NAPEPLD: variants seen among roughly 807,000 people sequenced by gnomAD.
NAPEPLD encodes N-acyl phosphatidylethanolamine phospholipase D.
NAPEPLD carries 23 observed loss-of-function variants against 38.1 expected under a neutral mutation model. The observed-to-expected ratio is 0.60, with a 90% CI of 0.43 to 0.86. The LOEUF is 0.86. Ranked by LOEUF, NAPEPLD falls within the 40% of genes least tolerant of loss-of-function variation. NAPEPLD has a pLI of 0.00. For missense variants in NAPEPLD, 411 were observed against 476.8 expected, an observed-to-expected ratio of 0.86 and a Z score of 1.28; for synonymous variants, 147 against 162.0, an observed-to-expected ratio of 0.91 and a Z score of 0.71.
chr7:103,103,264 G>T lies in NAPEPLD; in HGVS notation c.*165C>A. 1.3e-6 allele frequency: 1 copy of T among 759,948 alleles called. No homozygotes were observed. Among genetic ancestry groups the T allele is most frequent in the Non-Finnish European group, 2.0e-6 (1 of 492,034 alleles). 47.1% of individuals were successfully genotyped at this position (759,948 alleles called of 1,614,324 possible). On this transcript the variant is annotated 3_prime_UTR_variant, in exon 5 of 5. Coordinates refer to ENST00000465647, the MANE Select transcript of NAPEPLD (RefSeq NM_001122838.3). The stretch of plus-strand genomic sequence containing the variant: ...AACCCTCTCATAGTGTACATGAGCT[G>T]ATCATACTAGGAAGCAAGTTATTAC...
At chr7:103,127,791 T>G (rs1349481352) in intron 2 of NAPEPLD, 1 of 152,214 alleles carries the variant, frequency 6.6e-6, no homozygotes, top group African/African-American at 2.4e-5. Context: ...GTCATAGTAC[T>G]TACTTCATTC....
intron 1 of NAPEPLD, chr7:103,141,786 G>A (rs1467426090): frequency 2.0e-5 from 17 of 870,142 alleles, no homozygotes; most frequent in Admixed American, 8.5e-5. Context: ...ACAGGCTTGC[G>A]GATGATCAGC....
intron 2 of NAPEPLD, 74 bp downstream of exon 2, chr7:103,128,409 A>ATT (rs773406366): frequency 6.5e-7 from 1 of 1,529,940 alleles, no homozygotes; most frequent in Non-Finnish European, 9.0e-7. Flanking sequence ...GCCTTATGAT[A>ATT]TACAAGGGCT....
chr7:103,144,691 T>C (rs1198733246), intron 1 of NAPEPLD, among the ~76,000 whole-genome samples: 2 of 151,510 alleles, frequency 1.3e-5, no homozygotes, highest in African/African-American at 4.9e-5. Flanking sequence ...TGCCTGAGGA[T>C]TTCCCAGTGT....
rs1323929967 is a variant in NAPEPLD, at chr7:103,128,555, G to A, written c.222C>T (p.Asn74=). The A allele has an allele frequency of 6.2e-7, 1 of 1,614,198 alleles. No homozygotes were observed. ...ATCTGAGAACATTTGGAATAGAGGG[G>A]TTTTTCCATGTTGGCCACGGATTCA... The part of the protein sequence containing the change: ...RFVNPWPTWK[N]PSIPNVLRWL... Residue 74 remains asparagine, a synonymous_variant, in exon 2 of 5, where the codon AAC becomes AAT. Coordinates refer to ENST00000465647, the MANE Select transcript of NAPEPLD (RefSeq NM_001122838.3).
chr7:103,138,401 A>G (rs963743980), intron 1 of NAPEPLD, among the ~76,000 whole-genome samples: 1 of 152,186 alleles, frequency 6.6e-6, no homozygotes, highest in Non-Finnish European at 1.5e-5. Flanking sequence ...AGAAAGAGGG[A>G]AAAAAGCACA....
At chr7:103,121,660 G>T (rs1806721852) in intron 2 of NAPEPLD, among the ~76,000 whole-genome samples, 1 of 152,136 alleles carries the variant, frequency 6.6e-6, no homozygotes, top group South Asian at 2.1e-4. Flanking sequence ...TTTATTCTTG[G>T]CTTTATTTTA....
At chr7:103,116,870 T>C (rs190740427) in intron 3 of NAPEPLD, among the ~76,000 whole-genome samples, 2 of 152,352 alleles carry the variant, frequency 1.3e-5, no homozygotes, top group African/African-American at 4.8e-5. Flanking sequence ...TACCCCATTA[T>C]GTGAGGGTAT....
intron 1 of NAPEPLD, chr7:103,141,749 C>T (rs535163423): frequency 5.4e-5 from 46 of 852,648 alleles, no homozygotes; most frequent in African/African-American, 4.0e-4. Flanking sequence ...GGTGTTTTTC[C>T]GGCATCAAGC....
intron 4 of NAPEPLD, among the ~76,000 whole-genome samples, chr7:103,108,892 G>T (rs972683708): frequency 2.0e-5 from 3 of 152,100 alleles, no homozygotes; most frequent in Admixed American, 1.3e-4. Flanking sequence ...AGGGATGGAG[G>T]AATACTTACC....
At chr7:103,122,092 G>A (rs1398620027) in intron 2 of NAPEPLD, among the ~76,000 whole-genome samples, 1 of 151,728 alleles carries the variant, frequency 6.6e-6, no homozygotes, top group Non-Finnish European at 1.5e-5. Context: ...CTAAGACAAT[G>A]AGGAAGCATC....
chr7:103,108,999 C>A (rs904031262), intron 4 of NAPEPLD, among the ~76,000 whole-genome samples: 8 of 152,106 alleles, frequency 5.3e-5, no homozygotes, highest in African/African-American at 1.9e-4. Flanking sequence ...CAAAGAAGGG[C>A]ATTACATAAT....
At chr7:103,146,344 CAA>C (rs200723040) in intron 1 of NAPEPLD, among the ~76,000 whole-genome samples, 54 of 96,598 alleles carry the variant, frequency 5.6e-4, no homozygotes, top group African/African-American at 1.1e-3. Context: ...GACTCCGTCT[CAA>C]AAAAAAAAAA....
chr7:103,119,903 A>G lies in NAPEPLD; in HGVS notation c.615T>C (p.Asn205=). ...SVIALNERFG[N]ELRWFVPLGL... ...CCAAAGGCACAAACCATCTCAACTCATTACCAAATCGCTCATTCAAAGCAA... is the reference window on the plus strand; with the variant it reads ...CCAAAGGCACAAACCATCTCAACTCGTTACCAAATCGCTCATTCAAAGCAA... The change falls in exon 3 of 5, where the codon AAT becomes AAC. Residue 205 remains asparagine (N), a synonymous_variant. Coordinates refer to ENST00000465647, the MANE Select transcript of NAPEPLD (RefSeq NM_001122838.3). 6.2e-7 allele frequency: 1 copy of G among 1,614,204 alleles called. No individual in the cohort carries two copies. Among genetic ancestry groups the G allele is most frequent in the East Asian group, 2.2e-5 (1 of 44,896 alleles).
intron 1 of NAPEPLD, among the ~76,000 whole-genome samples, chr7:103,130,988 C>G (rs1808817146): frequency 6.6e-6 from 1 of 152,118 alleles, no homozygotes; most frequent in African/African-American, 2.4e-5. Context: ...TTACAAAGAG[C>G]AGAAACAATG....
chr7:103,110,719 T>G (rs548451472), intron 4 of NAPEPLD, among the ~76,000 whole-genome samples: 4 of 152,290 alleles, frequency 2.6e-5, no homozygotes, highest in African/African-American at 9.6e-5. Flanking sequence ...GCATTCGAAG[T>G]TCTGGCCAGG....
chr7:103,107,627 G>A (rs1034093823), intron 4 of NAPEPLD, among the ~76,000 whole-genome samples: 1 of 151,820 alleles, frequency 6.6e-6, no homozygotes, highest in Non-Finnish European at 1.5e-5. Flanking sequence ...TAGCCGAATC[G>A]ATCAAGCAGA....
At chr7:103,129,371 A>C in intron 1 of NAPEPLD, 1 of 972,666 alleles carries the variant, frequency 1.0e-6, no homozygotes, top group Non-Finnish European at 1.2e-6. Flanking sequence ...ATGTAAGCAT[A>C]TTAAATTTTC....
At chr7:103,108,644 A>T (rs1476150862) in intron 4 of NAPEPLD, among the ~76,000 whole-genome samples, 1 of 152,242 alleles carries the variant, frequency 6.6e-6, no homozygotes, top group Admixed American at 6.5e-5. Context: ...AACATACCAA[A>T]TTGCAAAGAC....
Sources: gnomAD v4.1 joint callset for allele counts (sites outside exome capture counted in the v4.1 genomes callset) on GRCh38, gnomAD v4.1.1 for gene constraint, MANE v1.5 for transcripts, NCBI Gene and HGNC (gene_info 2026-07-23, HGNC 2026-07-21) for gene names.